The following CNTNAP2 variants were observed in gnomAD, a reference collection of about 807,000 sequenced individuals.
CNTNAP2 encodes the protein contactin associated protein 2.
In CNTNAP2, 98 loss-of-function variants were observed where a neutral mutation model predicts 155.2. That is an observed-to-expected ratio of 0.63 (90% CI 0.54 to 0.75). The LOEUF (loss-of-function observed/expected upper bound fraction) is 0.75. Ranked by LOEUF, CNTNAP2 falls within the 30% of genes least tolerant of loss-of-function variation. CNTNAP2 has a pLI of 0.00. For missense variants in CNTNAP2, 1,727 were observed against 1,688.1 expected, an observed-to-expected ratio of 1.02 and a Z score of -0.40; for synonymous variants, 651 against 631.2, an observed-to-expected ratio of 1.03 and a Z score of -0.47.
At chr7:146,332,658 C>G (rs1252217985) in intron 1 of CNTNAP2, among the ~76,000 whole-genome samples, 1 of 152,154 alleles carries the variant, frequency 6.6e-6, no homozygotes, top group East Asian at 1.9e-4. Context: ...ATCGTTAATA[C>G]AGGCTTCCAT....
chr7:146,483,357 G>A (rs1342174515), intron 1 of CNTNAP2, among the ~76,000 whole-genome samples: 1 of 131,604 alleles, frequency 7.6e-6, no homozygotes. Context: ...GCACAGAGTT[G>A]TGAATAGCAT....
At chr7:146,202,568 G>T (rs115154707) in intron 1 of CNTNAP2, among the ~76,000 whole-genome samples, 3,141 of 152,044 alleles carry the variant, frequency 0.021, 97 homozygotes, top group African/African-American at 0.066. Context: ...AGAATTTATT[G>T]TTGTATGTTT....
At chr7:146,604,420 A>T (rs1799007056) in intron 1 of CNTNAP2, among the ~76,000 whole-genome samples, 1 of 135,780 alleles carries the variant, frequency 7.4e-6, no homozygotes, top group Non-Finnish European at 1.6e-5. Context: ...AAAGTCAGGA[A>T]ACAACAGGTG....
intron 1 of CNTNAP2, among the ~76,000 whole-genome samples, chr7:146,250,926 T>G (rs1799746436): frequency 6.6e-6 from 1 of 152,224 alleles, no homozygotes; most frequent in African/African-American, 2.4e-5. Context: ...ATAACAAGAC[T>G]GTAGTTTAGT....
intron 1 of CNTNAP2, among the ~76,000 whole-genome samples, chr7:146,766,532 G>T (rs1802197689): frequency 6.6e-6 from 1 of 152,090 alleles, no homozygotes; most frequent in South Asian, 2.1e-4. Context: ...CAGAAAACTA[G>T]ACTTCAAAAG....
At chr7:147,735,584 T>A (rs1796827748) in intron 13 of CNTNAP2, among the ~76,000 whole-genome samples, 1 of 144,430 alleles carries the variant, frequency 6.9e-6, no homozygotes, top group Non-Finnish European at 1.6e-5. Flanking sequence ...CCTTGATAAC[T>A]TTCTGTCTTG....
intron 15 of CNTNAP2, among the ~76,000 whole-genome samples, chr7:148,074,685 C>CAAA (rs111493967): frequency 7.4e-6 from 1 of 135,552 alleles, no homozygotes; most frequent in African/African-American, 2.6e-5. Context: ...AAGACTGTCT[C>CAAA]AAAAAAAAAA....
At chr7:147,820,695 G>A (rs1324604580) in intron 13 of CNTNAP2, among the ~76,000 whole-genome samples, 3 of 152,058 alleles carry the variant, frequency 2.0e-5, no homozygotes, top group Non-Finnish European at 4.4e-5. Flanking sequence ...TGTATCTGGT[G>A]TGAGGCAAGG....
chr7:147,974,056 T>C (rs1387346634), intron 14 of CNTNAP2, among the ~76,000 whole-genome samples: 1 of 149,924 alleles, frequency 6.7e-6, no homozygotes, highest in Non-Finnish European at 1.5e-5. Context: ...AAGTAATGCC[T>C]GCTTTTAGTA....
chr7:146,762,347 T>A (rs2129184177), intron 1 of CNTNAP2, among the ~76,000 whole-genome samples: 1 of 152,282 alleles, frequency 6.6e-6, no homozygotes, highest in South Asian at 2.1e-4. Flanking sequence ...ACACCTGTAA[T>A]CCCAGCACTT....
intron 3 of CNTNAP2, among the ~76,000 whole-genome samples, chr7:147,028,430 T>C (rs1275372071): frequency 6.6e-6 from 1 of 152,208 alleles, no homozygotes; most frequent in Admixed American, 6.5e-5. Context: ...ATTTTTTCTC[T>C]GAAATCAAGA....
rs1364289184 is a variant in CNTNAP2 at position 147,105,090 on chromosome 7, G to A, written c.551-3057G>A. Among the ~76,000 whole-genome samples, 4 of 150,960 alleles carry A rather than the reference G, an allele frequency of 2.6e-5. No individual in the cohort carries two copies. The East Asian group carries it at 7.8e-4, about 29-fold the overall frequency. On this transcript the variant is annotated intron_variant, in intron 4 of 23. Coordinates refer to ENST00000361727, the MANE Select transcript of CNTNAP2 (RefSeq NM_014141.6). ...TTCTTTTGATCAATAGACATAGTTT[G>A]TAATAAAATATATAGCAAAGATATC...
At chr7:146,804,757 A>G (rs1416516551) in intron 2 of CNTNAP2, among the ~76,000 whole-genome samples, 5 of 152,290 alleles carry the variant, frequency 3.3e-5, no homozygotes, top group South Asian at 2.1e-4. Flanking sequence ...TTAACATGAA[A>G]TAGCTACACT....
chr7:147,927,802 G>A (rs1558550), intron 14 of CNTNAP2, among the ~76,000 whole-genome samples: 71,229 of 151,634 alleles, frequency 0.47, 18,163 homozygotes, highest in African/African-American at 0.69. Flanking sequence ...GACTAGATTG[G>A]GAAATTCCTT....
chr7:146,940,848 AAG>A (rs150847947), intron 3 of CNTNAP2, among the ~76,000 whole-genome samples: 2,793 of 150,912 alleles, frequency 0.019, 71 homozygotes, highest in African/African-American at 0.062. Context: ...AAGAGAGAGA[AAG>A]AGAGAGAGAG....
chr7:147,728,468 A>C (rs1483803675), intron 13 of CNTNAP2, among the ~76,000 whole-genome samples: 1 of 152,050 alleles, frequency 6.6e-6, no homozygotes, highest in Non-Finnish European at 1.5e-5. Context: ...ACCAGTGTCC[A>C]TTTAGCGCCC....
At chr7:147,334,279 C>T (rs1253832524) in intron 9 of CNTNAP2, among the ~76,000 whole-genome samples, 3 of 152,142 alleles carry the variant, frequency 2.0e-5, no homozygotes, top group Non-Finnish European at 2.9e-5. Flanking sequence ...TATGCAAATA[C>T]CAAATAAAAC....
chr7:147,447,407 G>T (rs1166835429), intron 10 of CNTNAP2, among the ~76,000 whole-genome samples: 1 of 152,068 alleles, frequency 6.6e-6, no homozygotes, highest in Non-Finnish European at 1.5e-5. Context: ...TAGTATTTGG[G>T]GTTATGTTTA....
chr7:147,592,115 A>G (rs1307210515), intron 12 of CNTNAP2, among the ~76,000 whole-genome samples: 1 of 152,202 alleles, frequency 6.6e-6, no homozygotes, highest in African/African-American at 2.4e-5. Flanking sequence ...GTGCCTGTGA[A>G]CAGGGACTGT....
Sources: gnomAD v4.1 joint callset for allele counts (sites outside exome capture counted in the v4.1 genomes callset) on GRCh38, gnomAD v4.1.1 for gene constraint, MANE v1.5 for transcripts, NCBI Gene and HGNC (gene_info 2026-07-23, HGNC 2026-07-21) for gene names.